Variants in ELMOD2 observed in about 807,000 individuals in gnomAD.
The protein encoded by ELMOD2 is ELMO domain-containing protein 2.
ELMOD2 carries 28 observed loss-of-function variants against 41.0 expected under a neutral mutation model. That is an observed-to-expected ratio of 0.68 (90% CI 0.51 to 0.94). The LOEUF (loss-of-function observed/expected upper bound fraction) is 0.94, where lower values mean the gene tolerates loss of function less well. Ranked by LOEUF, ELMOD2 falls within the 40% of genes least tolerant of loss-of-function variation. The pLI, the probability that ELMOD2 is intolerant of heterozygous loss-of-function variation, is 0.00. For synonymous variants in ELMOD2, 106 were observed against 107.2 expected (o/e 0.99, Z 0.07); for missense variants, 333 against 343.1 (o/e 0.97, Z 0.23).
chr4:140,534,409 G>C (rs1734846833), intron 3 of ELMOD2, among the ~76,000 whole-genome samples: 1 of 152,140 alleles, frequency 6.6e-6, no homozygotes, highest in African/African-American at 2.4e-5. Context: ...TGATTGAAAA[G>C]GGGCATAAAC....
chr4:140,526,980 G>A (rs1437198460), intron 2 of ELMOD2, among the ~76,000 whole-genome samples: 1 of 152,172 alleles, frequency 6.6e-6, no homozygotes, highest in African/African-American at 2.4e-5. Context: ...ACCAGGAATG[G>A]AGAAGCTATT....
In ELMOD2 at chr4:140,539,487, G is replaced by A. The variant is rs1735039655; in HGVS notation, c.400-681G>A. On this transcript the variant is annotated intron_variant, in intron 5 of 8. Transcript: ENST00000323570. Reference sequence around the variant, plus strand: ...CGCCATTCTCCTGTCTCAGCCTCCTGAGTAGCCTGCCACCACGCCTGGCTA... The same window carrying A: ...CGCCATTCTCCTGTCTCAGCCTCCTAAGTAGCCTGCCACCACGCCTGGCTA... Among the ~76,000 whole-genome samples the A allele has an allele frequency of 2.0e-5, 3 of 151,766 alleles. No homozygotes were observed. In the South Asian group the frequency reaches 6.3e-4, roughly 32 times the overall value.
intron 6 of ELMOD2, 95 bp downstream of exon 6, chr4:140,540,396 T>C (rs1735068703): frequency 2.7e-6 from 4 of 1,459,102 alleles, no homozygotes; most frequent in Non-Finnish European, 3.7e-6. Flanking sequence ...AGTTGATTCA[T>C]ACTATCTCTG....
intron 5 of ELMOD2, 54 bp downstream of exon 5, chr4:140,537,595 G>A: frequency 4.4e-6 from 7 of 1,579,170 alleles, no homozygotes; most frequent in Non-Finnish European, 6.0e-6. Flanking sequence ...AAATAAATCA[G>A]GCTTCAGCTA....
At chr4:140,534,315 T>C (rs1734843655) in intron 3 of ELMOD2, among the ~76,000 whole-genome samples, 1 of 152,182 alleles carries the variant, frequency 6.6e-6, no homozygotes, top group South Asian at 2.1e-4. Context: ...CACAAAATAG[T>C]ACGTACTTTG....
intron 8 of ELMOD2, among the ~76,000 whole-genome samples, chr4:140,547,455 A>G (rs760552923): frequency 1.6e-4 from 24 of 152,032 alleles, no homozygotes; most frequent in Non-Finnish European, 3.2e-4. Flanking sequence ...TGTCTTTTGT[A>G]TATTCCGGTC....
intron 7 of ELMOD2, 99 bp from the exon 8 acceptor site, chr4:140,543,354 T>C: frequency 7.7e-7 from 1 of 1,295,458 alleles, no homozygotes; most frequent in Non-Finnish European, 1.1e-6. Flanking sequence ...CAATACTGTG[T>C]TAAACCTGAA....
chr4:140,537,449 AC>A lies in ELMOD2; in HGVS notation c.308del (p.Thr103MetfsTer10). 1 of 1,560,346 alleles carries A rather than the reference AC, an allele frequency of 6.4e-7. No homozygotes were observed. Among genetic ancestry groups the A allele is most frequent in the Non-Finnish European group, 8.6e-7 (1 of 1,159,266 alleles). On this transcript the variant is annotated frameshift_variant, in exon 5 of 9. Transcript: ENST00000323570. LOFTEE classifies it high-confidence loss of function. Reference sequence around the variant, plus strand: ...CATGAAGATGTGCTTACTGCAGATAACTGGTTATAAACAGCTGTATTTGGAT... The same window carrying A: ...CATGAAGATGTGCTTACTGCAGATAATGGTTATAAACAGCTGTATTTGGAT... ...ICMKMCLLQI[T>X]GYKQLYLDVE...
intron 3 of ELMOD2, 153 bp from the exon 4 acceptor site, chr4:140,535,580 C>G: frequency 1.6e-6 from 1 of 629,082 alleles, no homozygotes; most frequent in East Asian, 3.0e-5. Context: ...GTGAATTTAG[C>G]CCTAGAGAAA....
Position 140,527,837 on chromosome 4 carries a change from A to G in ELMOD2, c.171+343A>G, listed in dbSNP as rs1734620861. On this transcript the variant is annotated intron_variant, in intron 3 of 8. Transcript: ENST00000323570. ...ATATGAGAGAAAAGCAACTTAGGATAGAGAAAACCCTGGGTTGTGTACCTT... is the reference window on the plus strand; with the variant it reads ...ATATGAGAGAAAAGCAACTTAGGATGGAGAAAACCCTGGGTTGTGTACCTT... The G allele has an allele frequency of 3.4e-5, 7 of 208,422 alleles. No homozygotes were observed. In the South Asian group the frequency reaches 1.0e-3, roughly 30 times the overall value. 12.9% of individuals were successfully genotyped at this position (208,422 alleles called of 1,614,324 possible). A position where few individuals can be genotyped will look rare whatever the true frequency, so the allele number is the denominator to read the frequency against.
chr4:140,527,471 T>G lies in ELMOD2; in HGVS notation c.148T>G (p.Ser50Ala). 6.3e-7 allele frequency: 1 copy of G among 1,582,096 alleles called. No homozygotes were observed. Among genetic ancestry groups the G allele is most frequent in the Non-Finnish European group, 8.6e-7 (1 of 1,166,390 alleles). The change falls in exon 3 of 9, where the codon TCC becomes GCC. Residue 50 changes from serine to alanine, a missense_variant. Physicochemically the swap from Ser to Ala is moderately conservative, Grantham distance 99. Transcript: ENST00000323570. ...TTTTTTTTTTGTCATTTCAGAAAAT[T>G]CCTTGACATACTCCAAGAATAAGGT... ...GAQRTHRIEN[S>A]LTYSKNKVLQ...
chr4:140,531,911 T>G (rs1463610040), intron 3 of ELMOD2, among the ~76,000 whole-genome samples: 5 of 152,180 alleles, frequency 3.3e-5, no homozygotes, highest in Admixed American at 3.3e-4. Context: ...TAATCTTGGC[T>G]TCACTAGTGA....
chr4:140,534,684 AT>A (rs898652152), intron 3 of ELMOD2, among the ~76,000 whole-genome samples: 1 of 152,186 alleles, frequency 6.6e-6, no homozygotes, highest in Non-Finnish European at 1.5e-5. Context: ...TTCATAATGT[AT>A]TTAACAAAGT....
At chr4:140,537,626 GAGGCTTATATGGCT>G (rs900570554) in intron 5 of ELMOD2, 85 bp downstream of exon 5, 1 of 1,523,292 alleles carries the variant, frequency 6.6e-7, no homozygotes, top group Admixed American at 2.0e-5. Flanking sequence ...GCAAATTCTA[GAGGCTTATATGGCT>G]AGGCTTATAT....
Position 140,524,551 on chromosome 4 carries a change from A to C in ELMOD2, c.-10+271A>C, listed in dbSNP as rs1396185686. 3 of 976,982 alleles carry C rather than the reference A, an allele frequency of 3.1e-6. No individual in the cohort carries two copies. In the African/African-American group the frequency reaches 5.3e-5, roughly 17 times the overall value. The allele number at this position is 976,982 out of a possible 1,614,324, so 60.5% of individuals were successfully genotyped here. A position where few individuals can be genotyped will look rare whatever the true frequency, so the allele number is the denominator to read the frequency against. On this transcript the variant is annotated intron_variant, in intron 1 of 8. Transcript: ENST00000323570. ...TTTTGTCCTAATGAGCGCGGACTAGATGGCTTGATTTTCAAGATAATGATC... is the reference window on the plus strand; with the variant it reads ...TTTTGTCCTAATGAGCGCGGACTAGCTGGCTTGATTTTCAAGATAATGATC...
intron 3 of ELMOD2, among the ~76,000 whole-genome samples, chr4:140,531,379 A>G (rs1482217092): frequency 1.3e-5 from 2 of 152,232 alleles, no homozygotes; most frequent in Non-Finnish European, 2.9e-5. Flanking sequence ...ATAAAAATTA[A>G]TGACTTATTC....
intron 3 of ELMOD2, among the ~76,000 whole-genome samples, chr4:140,533,513 C>T (rs961518961): frequency 1.3e-5 from 2 of 152,064 alleles, no homozygotes; most frequent in South Asian, 2.1e-4. Context: ...TAATTTAATA[C>T]GGATGTTAGA....
intron 3 of ELMOD2, among the ~76,000 whole-genome samples, chr4:140,529,863 A>ACAGAC (rs1321399198): frequency 3.3e-5 from 5 of 152,100 alleles, no homozygotes; most frequent in Admixed American, 3.3e-4. Context: ...TCACCATAGC[A>ACAGAC]CAGACCATCA....
At position 140,553,557 on chromosome 4, in the gene ELMOD2, A is replaced by G; in HGVS notation, c.*3182A>G. On this transcript the variant is annotated 3_prime_UTR_variant, in exon 9 of 9. Transcript: ENST00000323570. ...TTAAATGTAGTACAGGTTAGACCCA[A>G]CTACTACCTTACTATTATAGGACGA... 6.6e-6 allele frequency: 1 copy of G among 152,138 alleles called. No individual in the cohort carries two copies. The highest frequency in any genetic ancestry group is 1.9e-4 in the East Asian group (1 of 5,196). The allele number at this position is 152,138 out of a possible 1,614,324, so 9.4% of individuals were successfully genotyped here.
Sources: allele counts gnomAD v4.1 joint callset (sites outside exome capture counted in the v4.1 genomes callset), GRCh38; gene constraint gnomAD v4.1.1; transcripts MANE v1.5; gene names NCBI Gene and HGNC (gene_info 2026-07-23, HGNC 2026-07-21).